COL26A1: variants seen among roughly 807,000 people sequenced by gnomAD.
COL26A1 encodes collagen alpha-1(XXVI) chain.
Under a neutral mutation model 59.3 loss-of-function variants are expected in COL26A1, and 41 were observed. The observed-to-expected ratio is 0.69, with a 90% CI of 0.54 to 0.90. The LOEUF (loss-of-function observed/expected upper bound fraction) is 0.90, where lower values mean the gene tolerates loss of function less well. COL26A1 is among the 40% of genes least tolerant of loss of function. The pLI is 0.00. For synonymous variants in COL26A1, 266 were observed against 256.0 expected (o/e 1.04, Z -0.37); for missense variants, 612 against 602.3 (o/e 1.02, Z -0.17).
chr7:101,514,865 A>AGT (rs1794997306), intron 3 of COL26A1, among the ~76,000 whole-genome samples: 1 of 152,212 alleles, frequency 6.6e-6, no homozygotes. Context: ...GAGAGGCTGA[A>AGT]GTGGGGAGAT....
At chr7:101,452,998 G>A (rs1022560742) in intron 3 of COL26A1, among the ~76,000 whole-genome samples, 10 of 152,036 alleles carry the variant, frequency 6.6e-5, no homozygotes, top group Admixed American at 2.0e-4. Context: ...TGATCTGCCC[G>A]CCCCCGCCTC....
At chr7:101,424,241 T>G (rs1390874114) in intron 2 of COL26A1, among the ~76,000 whole-genome samples, 1 of 152,000 alleles carries the variant, frequency 6.6e-6, no homozygotes, top group Non-Finnish European at 1.5e-5. Context: ...TTAATTTTCA[T>G]TCTCTTAGAG....
chr7:101,484,141 C>T (rs937451896), intron 3 of COL26A1, among the ~76,000 whole-genome samples: 78 of 151,778 alleles, frequency 5.1e-4, no homozygotes, highest in African/African-American at 1.2e-3. Flanking sequence ...TGAGCTACTG[C>T]ACCTGGCACT....
intron 3 of COL26A1, among the ~76,000 whole-genome samples, chr7:101,489,871 T>C (rs1380533445): frequency 2.8e-5 from 2 of 70,720 alleles, no homozygotes; most frequent in African/African-American, 5.3e-5. Flanking sequence ...TCTTTCTTTC[T>C]TTCTTTCTTT....
chr7:101,464,661 T>C (rs899830277), intron 3 of COL26A1, among the ~76,000 whole-genome samples: 1 of 152,202 alleles, frequency 6.6e-6, no homozygotes, highest in Non-Finnish European at 1.5e-5. Flanking sequence ...TCCACCCACC[T>C]TGGCCTCCCA....
intron 7 of COL26A1, 49 bp downstream of exon 7, chr7:101,545,539 T>G (rs1441820281): frequency 9.7e-6 from 15 of 1,550,298 alleles, no homozygotes; most frequent in African/African-American, 2.8e-5. Context: ...TACGCTGTGT[T>G]CTGGGAGGGA....
At chr7:101,399,805 A>T (rs1269965414) in intron 1 of COL26A1, among the ~76,000 whole-genome samples, 1 of 152,204 alleles carries the variant, frequency 6.6e-6, no homozygotes, top group Non-Finnish European at 1.5e-5. Flanking sequence ...TAATCTGATC[A>T]CAAAATATGT....
chr7:101,457,894 C>CTT (rs747999760), intron 3 of COL26A1, among the ~76,000 whole-genome samples: 18 of 113,662 alleles, frequency 1.6e-4, no homozygotes, highest in Non-Finnish European at 2.2e-4. Flanking sequence ...TATAGCTTAA[C>CTT]TTTTTTTTTT....
chr7:101,463,326 T>C (rs1793658073), intron 3 of COL26A1, among the ~76,000 whole-genome samples: 1 of 152,212 alleles, frequency 6.6e-6, no homozygotes, highest in East Asian at 1.9e-4. Flanking sequence ...GATTCATCCA[T>C]GTAGCAAGGG....
At chr7:101,416,165 G>A (rs1007740095) in intron 1 of COL26A1, among the ~76,000 whole-genome samples, 1 of 142,984 alleles carries the variant, frequency 7.0e-6, no homozygotes, top group Non-Finnish European at 1.6e-5. Context: ...AAGCCGAGGT[G>A]GGACGATCAC....
At chr7:101,476,847 A>AT (rs140791070) in intron 3 of COL26A1, among the ~76,000 whole-genome samples, 12,986 of 111,862 alleles carry the variant, frequency 0.12, 767 homozygotes, top group African/African-American at 0.2. Context: ...ATGCCCAGCC[A>AT]TTTTTTTTTT....
At chr7:101,554,567 T>TAAAAAAAAAAAAAAAAAA (rs57638079) in intron 11 of COL26A1, among the ~76,000 whole-genome samples, 1 of 120,506 alleles carries the variant, frequency 8.3e-6, no homozygotes, top group African/African-American at 3.1e-5. Flanking sequence ...CCCCATTTCT[T>TAAAAAAAAAAAAAAAAAA]AAAAAAAAAA....
At chr7:101,411,694 A>C (rs1243762820) in intron 1 of COL26A1, among the ~76,000 whole-genome samples, 1 of 152,088 alleles carries the variant, frequency 6.6e-6, no homozygotes, top group Non-Finnish European at 1.5e-5. Context: ...GTCCTGTGGG[A>C]CATGACGGTG....
At chr7:101,536,128 G>A (rs767095287) in intron 4 of COL26A1, among the ~76,000 whole-genome samples, 7 of 152,184 alleles carry the variant, frequency 4.6e-5, no homozygotes, top group Admixed American at 1.3e-4. Context: ...TGATTCTCCC[G>A]CCTCAGCCTC....
intron 3 of COL26A1, among the ~76,000 whole-genome samples, chr7:101,502,240 G>A (rs1450341537): frequency 6.6e-6 from 1 of 152,182 alleles, no homozygotes; most frequent in Non-Finnish European, 1.5e-5. Context: ...TACTCAGGAG[G>A]CTGAGGCGGG....
chr7:101,372,242 T>C (rs62465622), intron 1 of COL26A1, among the ~76,000 whole-genome samples: 18,446 of 151,980 alleles, frequency 0.12, 1,433 homozygotes, highest in East Asian at 0.29. Context: ...CTTGGCTCAC[T>C]GCAACCTCCG....
chr7:101,538,336 C>T (rs919614375), intron 4 of COL26A1, among the ~76,000 whole-genome samples: 21 of 152,216 alleles, frequency 1.4e-4, no homozygotes, highest in Non-Finnish European at 2.1e-4. Flanking sequence ...TGTGCCTCCA[C>T]GAAGCTCAGC....
In COL26A1 at chr7:101,531,076, G is replaced by T. The variant is rs180995135; in HGVS notation, c.386-2006G>T. On this transcript the variant is annotated intron_variant, in intron 3 of 12. Transcript: ENST00000313669. ...AGCTCTGCCTCCTGGCTTCATGCCA[G>T]TCTCCTGCCTCAGCCTCCCGAGTAG... Among the ~76,000 whole-genome samples, 471 of 151,906 alleles carry T rather than the reference G, an allele frequency of 3.1e-3. 10 individuals are homozygous for T. Among genetic ancestry groups the T allele is most frequent in the Admixed American group, 0.028 (428 of 15,264 alleles).
chr7:101,452,324 G>A (rs1301926173), intron 3 of COL26A1, among the ~76,000 whole-genome samples: 1 of 152,178 alleles, frequency 6.6e-6, no homozygotes, highest in African/African-American at 2.4e-5. Flanking sequence ...GTAGGTTCAT[G>A]TGGGGCTGTG....
Sources: allele counts gnomAD v4.1 joint callset (sites outside exome capture counted in the v4.1 genomes callset), GRCh38; gene constraint gnomAD v4.1.1; transcripts MANE v1.5; gene names NCBI Gene and HGNC (gene_info 2026-07-23, HGNC 2026-07-21).